The following NCKAP1 variants were observed in gnomAD, a reference collection of about 807,000 sequenced individuals.
NCKAP1 encodes nck-associated protein 1.
A neutral mutation model predicts 151.2 loss-of-function variants in NCKAP1; 21 were observed. The ratio of observed to expected loss-of-function variants is 0.14; its 90% confidence interval spans 0.10 to 0.20. NCKAP1 has a LOEUF of 0.20. Ranked by LOEUF, NCKAP1 falls within the 10% of genes least tolerant of loss-of-function variation. The probability of loss-of-function intolerance (pLI) is 1.00; values close to 1 mark genes in which losing one functional copy is unlikely to be tolerated. For missense variants in NCKAP1, 933 were observed against 1,352.1 expected, an observed-to-expected ratio of 0.69 and a Z score of 4.86; for synonymous variants, 484 against 451.8, an observed-to-expected ratio of 1.07 and a Z score of -0.90.
chr2:183,015,443 T>C (rs1189776309), intron 2 of NCKAP1, among the ~76,000 whole-genome samples: 1 of 151,292 alleles, frequency 6.6e-6, no homozygotes. Context: ...ATTATCTAGA[T>C]TGATGTTAGA....
intron 4 of NCKAP1, among the ~76,000 whole-genome samples, chr2:183,002,543 A>T (rs1270122863): frequency 6.6e-6 from 1 of 152,122 alleles, no homozygotes; most frequent in Non-Finnish European, 1.5e-5. Flanking sequence ...AAGCCAGAAT[A>T]ATAAGGAACA....
intron 29 of NCKAP1, 175 bp from the exon 30 acceptor site, chr2:182,927,080 GTAAT>G (rs747359337): frequency 1.0e-4 from 50 of 495,748 alleles, no homozygotes; most frequent in Middle Eastern, 1.0e-3. Flanking sequence ...AATTTAGAGA[GTAAT>G]TAAGGCACAA....
intron 16 of NCKAP1, among the ~76,000 whole-genome samples, chr2:182,965,421 C>A (rs1697549885): frequency 6.6e-6 from 1 of 151,880 alleles, no homozygotes; most frequent in South Asian, 2.1e-4. Context: ...ACCTCTTGGG[C>A]TCAAGCAATC....
intron 8 of NCKAP1, among the ~76,000 whole-genome samples, chr2:182,993,072 T>C (rs1698200110): frequency 6.6e-6 from 1 of 152,154 alleles, no homozygotes; most frequent in Non-Finnish European, 1.5e-5. Context: ...ATGTAGGGGA[T>C]TGGTTCCAGG....
chr2:182,989,294 T>G (rs1456792523), intron 8 of NCKAP1, 108 bp from the exon 9 acceptor site: 5 of 750,746 alleles, frequency 6.7e-6, no homozygotes, highest in African/African-American at 1.8e-5. Context: ...ATCACTAAAT[T>G]GAGGCTTCTG....
In NCKAP1 at chr2:182,918,258, A is replaced by T. The variant is rs914370045; in HGVS notation, c.*7444T>A. On this transcript the variant is annotated 3_prime_UTR_variant, in exon 31 of 31. Coordinates refer to ENST00000361354, the MANE Select transcript of NCKAP1 (RefSeq NM_013436.5). ...TAGCATAATGTAAGCCCTCATTGTT[A>T]TTTTTTTTGTCCCTCATTGTTAATG... 6.6e-6 allele frequency: 1 copy of T among 151,870 alleles called. No individual in the cohort carries two copies. Among genetic ancestry groups the T allele is most frequent in the African/African-American group, 2.4e-5 (1 of 41,342 alleles). The allele number at this position is 151,870 out of a possible 1,614,324, so 9.4% of individuals were successfully genotyped here. A position where few individuals can be genotyped will look rare whatever the true frequency, so the allele number is the denominator to read the frequency against.
At chr2:182,990,117 C>A (rs1312579232) in intron 8 of NCKAP1, among the ~76,000 whole-genome samples, 1 of 151,834 alleles carries the variant, frequency 6.6e-6, no homozygotes, top group Admixed American at 6.6e-5. Flanking sequence ...TTTTTAATAG[C>A]AATTTATAGT....
Position 182,953,320 on chromosome 2 carries a change from C to T in NCKAP1, c.2165G>A (p.Gly722Glu). Residue 722 changes from glycine (G) to glutamate (E), a missense_variant, in exon 21 of 31, where the codon GGG becomes GAG. Physicochemically the swap from Gly to Glu is moderately conservative, Grantham distance 98. Transcript: ENST00000361354. ...LEIRFTKSIV[G>E]MTMYNQATQE... ...TGTGGCTTGATTATACATAGTCATC[C>T]CAACAATTGACCTGGGAAGAAGGGA... is the stretch of plus-strand genomic sequence containing the variant. 1 of 1,610,520 alleles carries T rather than the reference C, an allele frequency of 6.2e-7. No individual in the cohort carries two copies. Among genetic ancestry groups the T allele is most frequent in the Non-Finnish European group, 8.5e-7 (1 of 1,177,694 alleles).
At chr2:182,959,766 C>T (rs186199360) in intron 18 of NCKAP1, among the ~76,000 whole-genome samples, 4 of 152,002 alleles carry the variant, frequency 2.6e-5, no homozygotes, top group Admixed American at 2.0e-4. Context: ...GGAAATAAAG[C>T]GCATTCAATT....
At position 182,928,775 on chromosome 2, in the gene NCKAP1, A is replaced by G. The variant is rs775028758; in HGVS notation, c.3070+8T>C. 1.3e-6 allele frequency: 2 copies of G among 1,541,106 alleles called. No homozygotes were observed. Among genetic ancestry groups the G allele is most frequent in the Non-Finnish European group, 1.8e-6 (2 of 1,132,770 alleles). On this transcript the variant is annotated splice_region_variant and intron_variant, in intron 28 of 30. Transcript: ENST00000361354. ...TTCATCGCCAAAACAATTTTAAACC[A>G]CTATTACCTTCTATAGCAGGGCTGT...
chr2:182,982,254 A>C (rs1004924550), intron 12 of NCKAP1, among the ~76,000 whole-genome samples: 1 of 152,200 alleles, frequency 6.6e-6, no homozygotes, highest in Non-Finnish European at 1.5e-5. Context: ...AAAAGCCCTA[A>C]TTTAAAACTA....
intron 18 of NCKAP1, among the ~76,000 whole-genome samples, chr2:182,961,562 C>T (rs957053190): frequency 2.6e-5 from 4 of 152,024 alleles, no homozygotes; most frequent in African/African-American, 4.8e-5. Flanking sequence ...GGGAACATCA[C>T]ACACTGGGGC....
In NCKAP1 at chr2:182,915,199, G is replaced by A. The variant is rs1696448223; in HGVS notation, c.*10503C>T. On this transcript the variant is annotated 3_prime_UTR_variant, in exon 31 of 31. Transcript: ENST00000361354. Reference sequence around the variant, plus strand: ...AGATTTCTAGACTAGGCTTCACATAGGGTGGCTTGCAGCATTTAGAAGCAT... The same window carrying A: ...AGATTTCTAGACTAGGCTTCACATAAGGTGGCTTGCAGCATTTAGAAGCAT... 6.6e-6 allele frequency: 1 copy of A among 152,198 alleles called. No individual in the cohort carries two copies. The highest frequency in any genetic ancestry group is 1.5e-5 in the Non-Finnish European group (1 of 68,034). 9.4% of individuals were successfully genotyped at this position (152,198 alleles called of 1,614,324 possible).
chr2:182,992,174 C>T (rs1191121689), intron 8 of NCKAP1, among the ~76,000 whole-genome samples: 1 of 152,104 alleles, frequency 6.6e-6, no homozygotes, highest in Non-Finnish European at 1.5e-5. Context: ...AACAAAGGTC[C>T]AAAGAAAGTA....
rs1696436803 is a variant in NCKAP1 at position 182,914,378 on chromosome 2, A to T, written c.*11324T>A. On this transcript the variant is annotated 3_prime_UTR_variant, in exon 31 of 31. Coordinates refer to ENST00000361354, the MANE Select transcript of NCKAP1 (RefSeq NM_013436.5). Reference sequence around the variant, plus strand: ...TTTGGACTCTGGACAGATACAATACATACCTGCTGCCAGGATGAATAGATT... The same window carrying T: ...TTTGGACTCTGGACAGATACAATACTTACCTGCTGCCAGGATGAATAGATT... 6.6e-6 allele frequency: 1 copy of T among 152,232 alleles called. No homozygotes were observed. Among genetic ancestry groups the T allele is most frequent in the South Asian group, 2.1e-4 (1 of 4,836 alleles). 9.4% of individuals were successfully genotyped at this position (152,232 alleles called of 1,614,324 possible).
chr2:183,001,917 G>A, intron 6 of NCKAP1, 36 bp downstream of exon 6: 1 of 1,537,584 alleles, frequency 6.5e-7, no homozygotes. Flanking sequence ...TATGTTATAT[G>A]CCCATTCTCT....
chr2:182,978,815 T>A lies in NCKAP1; in HGVS notation c.1423+19A>T. On this transcript the variant is annotated intron_variant, in intron 14 of 30. Transcript: ENST00000361354. ...ATCTAATTAGAAGAAAATATGCTTT[T>A]ATTTAAAAGGCTTATTACCTTGTTT... 1 of 1,412,632 alleles carries A rather than the reference T, an allele frequency of 7.1e-7. No homozygotes were observed. Among genetic ancestry groups the A allele is most frequent in the Non-Finnish European group, 9.7e-7 (1 of 1,033,354 alleles). The allele number at this position is 1,412,632 out of a possible 1,614,324, so 87.5% of individuals were successfully genotyped here.
intron 2 of NCKAP1, among the ~76,000 whole-genome samples, chr2:183,005,980 T>A (rs1442738620): frequency 6.6e-6 from 1 of 152,206 alleles, no homozygotes; most frequent in Non-Finnish European, 1.5e-5. Flanking sequence ...ATGTATAATG[T>A]CTAACAGCAG....
chr2:182,968,685 T>C (rs995999317), intron 15 of NCKAP1, among the ~76,000 whole-genome samples: 2 of 152,198 alleles, frequency 1.3e-5, no homozygotes, highest in African/African-American at 2.4e-5. Flanking sequence ...CTTAGGGAAA[T>C]AGCAGAAATA....
Sources: allele counts gnomAD v4.1 joint callset (sites outside exome capture counted in the v4.1 genomes callset), GRCh38; gene constraint gnomAD v4.1.1; transcripts MANE v1.5; gene names NCBI Gene and HGNC (gene_info 2026-07-23, HGNC 2026-07-21).